Variants in ADD2 observed in about 807,000 individuals in gnomAD.
ADD2 encodes beta-adducin.
Under a neutral mutation model 83.0 loss-of-function variants are expected in ADD2, and 23 were observed. That is an observed-to-expected ratio of 0.28 (90% CI 0.20 to 0.39). The LOEUF (loss-of-function observed/expected upper bound fraction) is 0.39. ADD2 is among the 10% of genes least tolerant of loss of function. The pLI, the probability that ADD2 is intolerant of heterozygous loss-of-function variation, is 1.00. For synonymous variants in ADD2, 375 were observed against 375.4 expected (o/e 1.00, Z 0.01); for missense variants, 758 against 944.9 (o/e 0.80, Z 2.59).
intron 10 of ADD2, 22 bp from the exon 11 acceptor site, chr2:70,678,983 C>A (rs2074815): frequency 0.29 from 454,675 of 1,585,974 alleles, 66,397 homozygotes; most frequent in African/African-American, 0.44. Flanking sequence ...AAAAATAGAA[C>A]CACTTATGGG....
intron 1 of ADD2, among the ~76,000 whole-genome samples, chr2:70,714,837 A>G (rs545084644): frequency 6.6e-6 from 1 of 152,332 alleles, no homozygotes; most frequent in South Asian, 2.1e-4. Context: ...ACAACCTGCT[A>G]AGATTTGAAT....
chr2:70,696,161 C>T, intron 5 of ADD2, 84 bp downstream of exon 5: 2 of 1,521,020 alleles, frequency 1.3e-6, no homozygotes, highest in Non-Finnish European at 1.8e-6. Flanking sequence ...AGTGCCATGG[C>T]CATGCCAAGG....
chr2:70,744,730 T>C (rs1220134845), intron 1 of ADD2, among the ~76,000 whole-genome samples: 1 of 152,150 alleles, frequency 6.6e-6, no homozygotes, highest in Non-Finnish European at 1.5e-5. Context: ...ATTTTCATAT[T>C]GAATGCTCAC....
intron 13 of ADD2, chr2:70,675,138 A>C (rs750317409): frequency 1.9e-6 from 2 of 1,057,228 alleles, no homozygotes; most frequent in Non-Finnish European, 2.3e-6. Flanking sequence ...GGACACTTCC[A>C]AGCCATCACT....
At chr2:70,684,405 A>G (rs1670613784) in intron 9 of ADD2, among the ~76,000 whole-genome samples, 1 of 152,094 alleles carries the variant, frequency 6.6e-6, no homozygotes, top group Non-Finnish European at 1.5e-5. Flanking sequence ...GCACTACCAC[A>G]TTCAGCAAAT....
chr2:70,677,835 G>T lies in ADD2; in HGVS notation c.1426C>A (p.Pro476Thr), dbSNP rs782263489. ...DEVEKSSSGM[P>T]IRIENPNQFV... ...TGGTTTGGGTTTTCGATGCGAATCG[G>T]CATGCCACTGCTGGATTTCTCCACC... The change falls in exon 12 of 16, where the codon CCG becomes ACG. Residue 476 changes from proline (P) to threonine (T), a missense_variant. Pro to Thr is a conservative substitution (Grantham distance 38). Around this residue, in one of 5 missense-constraint regions of ADD2, gnomAD observed 394 missense variants for 509.3 expected, o/e 0.77. Coordinates refer to ENST00000264436, the MANE Select transcript of ADD2 (RefSeq NM_001617.4). The T allele has an allele frequency of 6.2e-7, 1 of 1,614,206 alleles. No homozygotes were observed. Among genetic ancestry groups the T allele is most frequent in the African/African-American group, 1.3e-5 (1 of 75,054 alleles).
intron 2 of ADD2, among the ~76,000 whole-genome samples, chr2:70,712,466 A>AAAT (rs1672242462): frequency 1.4e-5 from 2 of 140,314 alleles, no homozygotes; most frequent in Non-Finnish European, 3.1e-5. Context: ...TAAATAAAAA[A>AAAT]AAAAAAAAAG....
chr2:70,686,145 G>A (rs1553370498), intron 9 of ADD2, among the ~76,000 whole-genome samples: 2 of 152,296 alleles, frequency 1.3e-5, no homozygotes, highest in African/African-American at 4.8e-5. Flanking sequence ...CTAGGGCTGC[G>A]CTCCCAGCGG....
intron 13 of ADD2, chr2:70,675,500 G>A (rs1189296821): frequency 6.1e-6 from 6 of 985,304 alleles, no homozygotes; most frequent in African/African-American, 1.7e-5. Flanking sequence ...CTGACCAGCC[G>A]GCCCTTACAT....
intron 4 of ADD2, among the ~76,000 whole-genome samples, chr2:70,699,719 G>A (rs969816368): frequency 1.3e-5 from 2 of 152,160 alleles, no homozygotes; most frequent in Non-Finnish European, 2.9e-5. Flanking sequence ...GGTTGAGGCT[G>A]CAGTGAGCTG....
At position 70,706,148 on chromosome 2, in the gene ADD2, C is replaced by T; in HGVS notation, c.183+78G>A. Reference sequence around the variant, plus strand: ...CCCTGAGCAAGGGAAAGAGGAGTTACTCATCTTTCGGGTGGGTACACGTCC... The same window carrying T: ...CCCTGAGCAAGGGAAAGAGGAGTTATTCATCTTTCGGGTGGGTACACGTCC... On this transcript the variant is annotated intron_variant, in intron 3 of 15. Transcript: ENST00000264436. The surrounding 1 kb of genome is among the most constrained non-coding windows in gnomAD (Gnocchi z 5.0). The T allele has an allele frequency of 1.4e-6, 2 of 1,466,634 alleles. No homozygotes were observed. The highest frequency in any genetic ancestry group is 1.9e-6 in the Non-Finnish European group (2 of 1,067,716). 90.9% of individuals were successfully genotyped at this position (1,466,634 alleles called of 1,614,324 possible).
intron 1 of ADD2, among the ~76,000 whole-genome samples, chr2:70,714,360 TG>T (rs1553375982): frequency 1.3e-5 from 2 of 152,076 alleles, no homozygotes; most frequent in Admixed American, 6.5e-5. Flanking sequence ...CTGTCCAGAG[TG>T]GAGGCATTCG....
intron 15 of ADD2, among the ~76,000 whole-genome samples, chr2:70,666,586 AC>A (rs1553366180): frequency 1.3e-5 from 2 of 152,212 alleles, no homozygotes; most frequent in African/African-American, 4.8e-5. Context: ...CTCCGTGAAG[AC>A]AACTATGGAT....
chr2:70,755,716 T>C lies in ADD2; in HGVS notation c.-154+12170A>G, dbSNP rs143660167. 3.8e-3 allele frequency among the ~76,000 whole-genome samples: 582 copies of C among 152,242 alleles called. 8 individuals are homozygous for C. The highest frequency in any genetic ancestry group is 0.013 in the African/African-American group (539 of 41,556). On this transcript the variant is annotated intron_variant, in intron 1 of 15. Coordinates refer to ENST00000264436, the MANE Select transcript of ADD2 (RefSeq NM_001617.4). ...TTTATTTAGCCCTCCCTCCCTCTCC[T>C]CATAAAAATGAACAGTGGGGCTGCT...
chr2:70,752,263 C>G (rs1674543221), intron 1 of ADD2, among the ~76,000 whole-genome samples: 1 of 152,078 alleles, frequency 6.6e-6, no homozygotes, highest in Admixed American at 6.5e-5. Context: ...AGGTCATTAA[C>G]TGCAGGTCTA....
chr2:70,686,218 T>C (rs991225965), intron 9 of ADD2, among the ~76,000 whole-genome samples: 26 of 152,310 alleles, frequency 1.7e-4, no homozygotes, highest in African/African-American at 6.0e-4. Flanking sequence ...TCCTCTAGGC[T>C]TTCCTGCTTT....
rs1227163259 is a variant in ADD2, at chr2:70,757,996, A to G, written c.-154+9890T>C. 3.3e-5 allele frequency among the ~76,000 whole-genome samples: 5 copies of G among 152,364 alleles called. No individual in the cohort carries two copies. The East Asian group carries it at 9.6e-4, about 29-fold the overall frequency. On this transcript the variant is annotated intron_variant, in intron 1 of 15. Coordinates refer to ENST00000264436, the MANE Select transcript of ADD2 (RefSeq NM_001617.4). The stretch of plus-strand genomic sequence containing the variant: ...AGCACAAACATTTAACGACCCTTTC[A>G]AAATTCCACAGAAAATTACCGAAGG...
At chr2:70,746,492 T>C (rs1288030521) in intron 1 of ADD2, among the ~76,000 whole-genome samples, 2 of 152,170 alleles carry the variant, frequency 1.3e-5, no homozygotes, top group African/African-American at 4.8e-5. Context: ...ACAATAACCT[T>C]ACTGAAGTAG....
chr2:70,687,593 A>AAAAC (rs56727401), intron 9 of ADD2, among the ~76,000 whole-genome samples: 3,608 of 149,492 alleles, frequency 0.024, 108 homozygotes, highest in South Asian at 0.087. Flanking sequence ...CCCTCCCCTC[A>AAAAC]AAACAAACAA....
Sources: allele counts gnomAD v4.1 joint callset (sites outside exome capture counted in the v4.1 genomes callset), GRCh38; gene constraint gnomAD v4.1.1; regional missense constraint gnomAD v4.1.1; non-coding constraint Gnocchi (gnomAD v3.1); transcripts MANE v1.5; gene names NCBI Gene and HGNC (gene_info 2026-07-23, HGNC 2026-07-21).